The following UPRT variants were observed in gnomAD, a reference collection of about 807,000 sequenced individuals.
UPRT encodes RP11-311P8.3.
A neutral mutation model predicts 22.6 loss-of-function variants in UPRT; 5 were observed. The observed-to-expected ratio is 0.22, with a 90% CI of 0.12 to 0.47. The LOEUF is 0.47. Among genes scored for constraint, UPRT ranks in the 20% least tolerant of loss-of-function variants. The pLI is 0.99. For missense variants in UPRT, 181 were observed against 239.9 expected, an observed-to-expected ratio of 0.75 and a Z score of 1.62; for synonymous variants, 77 against 87.7, an observed-to-expected ratio of 0.88 and a Z score of 0.68.
chrX:75,178,396 G>A (rs776917510), intron 4 of UPRT, among the ~76,000 whole-genome samples: 27 of 111,843 alleles, frequency 2.4e-4, no homozygotes, highest in Non-Finnish European at 3.6e-4. Context: ...TGGTCTCACC[G>A]CTTGGCAATT....
intron 4 of UPRT, among the ~76,000 whole-genome samples, chrX:75,183,241 T>G (rs186507849): frequency 1.8e-5 from 2 of 110,611 alleles, no homozygotes; most frequent in Admixed American, 9.7e-5. Flanking sequence ...TCTCACTGTT[T>G]AATTCCCACC....
intron 1 of UPRT, among the ~76,000 whole-genome samples, chrX:75,289,137 A>C (rs774872540): frequency 1.8e-5 from 2 of 111,075 alleles, no homozygotes; most frequent in African/African-American, 3.3e-5. Context: ...TGAGCTGAGG[A>C]GTTCAAGACC....
At chrX:75,189,891 C>T (rs937442720) in intron 4 of UPRT, among the ~76,000 whole-genome samples, 11 of 111,970 alleles carry the variant, frequency 9.8e-5, no homozygotes, top group African/African-American at 3.6e-4. Context: ...TGAGATGCAT[C>T]TCCTGCATAT....
chrX:75,207,049 A>G (rs778970074), intron 4 of UPRT, among the ~76,000 whole-genome samples: 49 of 112,362 alleles, frequency 4.4e-4, no homozygotes, highest in Non-Finnish European at 8.4e-4. Flanking sequence ...GCCTTTTGGT[A>G]TCCCTTACAA....
At chrX:75,173,922 G>A (rs1300623830) in intron 4 of UPRT, among the ~76,000 whole-genome samples, 4 of 111,768 alleles carry the variant, frequency 3.6e-5, no homozygotes, top group Admixed American at 1.9e-4. Context: ...ACGCCTACCC[G>A]GAACTCCAGC....
intron 4 of UPRT, among the ~76,000 whole-genome samples, chrX:75,234,691 G>A (rs2082453552): frequency 9.0e-6 from 1 of 110,911 alleles, no homozygotes; most frequent in Non-Finnish European, 1.9e-5. Flanking sequence ...TGACTACTGG[G>A]TACATAACGA....
chrX:75,222,274 C>G (rs2082412230), intron 4 of UPRT, among the ~76,000 whole-genome samples: 1 of 111,851 alleles, frequency 8.9e-6, no homozygotes, highest in Non-Finnish European at 1.9e-5. Flanking sequence ...TAGGACTGTA[C>G]TGGATGAGAA....
At chrX:75,250,237 A>C (rs1208524381) in intron 4 of UPRT, among the ~76,000 whole-genome samples, 2 of 108,877 alleles carry the variant, frequency 1.8e-5, no homozygotes, top group East Asian at 2.8e-4. Context: ...AAATAGAGAC[A>C]AAAAAAACCC....
At chrX:75,180,681 G>GTTTTTTTTTC (rs2082266168) in intron 4 of UPRT, among the ~76,000 whole-genome samples, 1 of 43,895 alleles carries the variant, frequency 2.3e-5, no homozygotes, top group Non-Finnish European at 3.8e-5. Context: ...CCTTTTCTCT[G>GTTTTTTTTTC]TTTTTTTTTT....
chrX:75,292,381 C>T (rs778382841), intron 1 of UPRT, among the ~76,000 whole-genome samples: 3 of 111,570 alleles, frequency 2.7e-5, no homozygotes, highest in Non-Finnish European at 5.7e-5. Flanking sequence ...AAATAAACAA[C>T]ACAGACCTAT....
upstream of UPRT, among the ~76,000 whole-genome samples, chrX:75,272,342 A>ATG (rs1261687777): frequency 6.4e-4 from 57 of 89,174 alleles, no homozygotes; most frequent in African/African-American, 2.7e-3. Flanking sequence ...ATATATATAT[A>ATG]TACACATATA....
At chrX:75,288,873 A>C (rs1176133078) in intron 1 of UPRT, among the ~76,000 whole-genome samples, 1 of 111,700 alleles carries the variant, frequency 9.0e-6, no homozygotes, top group Non-Finnish European at 1.9e-5. Context: ...AAAGGCAACC[A>C]GATAGGAAAA....
intron 4 of UPRT, among the ~76,000 whole-genome samples, chrX:75,220,298 A>T (rs951721562): frequency 1.1e-4 from 12 of 110,635 alleles, no homozygotes; most frequent in African/African-American, 3.6e-4. Flanking sequence ...ATGTGTCTTT[A>T]TAGGTGAAAT....
chrX:75,251,671 T>G (rs367682401), intron 4 of UPRT, among the ~76,000 whole-genome samples: 1 of 111,403 alleles, frequency 9.0e-6, no homozygotes, highest in Non-Finnish European at 1.9e-5. Context: ...CCATCCCCAT[T>G]AAGCTACCAA....
In UPRT at chrX:75,274,375, G is replaced by C. The variant is rs766604640; in HGVS notation, c.121G>C (p.Gly41Arg). The C allele has an allele frequency of 3.3e-6, 4 of 1,209,856 alleles. No homozygotes were observed. In the South Asian group the frequency reaches 5.3e-5, roughly 16 times the overall value. The change falls in exon 1 of 7, where the codon GGA becomes CGA. Residue 41 changes from glycine to arginine, a missense_variant. Physicochemically the swap from Gly to Arg is moderately radical, Grantham distance 125 (BLOSUM62 -2). Coordinates refer to ENST00000373383, the MANE Select transcript of UPRT (RefSeq NM_145052.4). ...PGDLILDHAG[G>R]NRASRAKVIL... Reference sequence around the variant, plus strand: ...CGATCTGATCCTGGACCACGCAGGGGGAAACAGAGCCTCCAGGGCCAAGGT... The same window carrying C: ...CGATCTGATCCTGGACCACGCAGGGCGAAACAGAGCCTCCAGGGCCAAGGT...
rs1436950268 is a variant in UPRT, at chrX:75,246,340, A to T, written c.-446-44684A>T. Among the ~76,000 whole-genome samples, 3 of 99,903 alleles carry T rather than the reference A, an allele frequency of 3.0e-5. 1 individual carries two copies. Among genetic ancestry groups the T allele is most frequent in the Non-Finnish European group, 5.9e-5 (3 of 50,631 alleles). The allele number at this position is 99,903 out of a possible 115,157, so 86.8% of individuals were successfully genotyped here. On this transcript the variant is annotated intron_variant, in intron 4 of 13. Coordinates refer to the UPRT transcript ENST00000652605. ...TCATTGTTCAATTCCCACCTATGAGAGAGAACATGCAGTGTTTGGTTTTTT... is the reference window on the plus strand; with the variant it reads ...TCATTGTTCAATTCCCACCTATGAGTGAGAACATGCAGTGTTTGGTTTTTT...
chrX:75,253,062 G>A (rs1049608967), intron 4 of UPRT, among the ~76,000 whole-genome samples: 8 of 110,853 alleles, frequency 7.2e-5, no homozygotes, highest in African/African-American at 2.0e-4. Flanking sequence ...GGAGGGGGGA[G>A]GGATAGCATT....
chrX:75,262,691 A>G (rs183531764), intron 4 of UPRT, among the ~76,000 whole-genome samples: 27 of 112,084 alleles, frequency 2.4e-4, no homozygotes, highest in East Asian at 1.1e-3. Context: ...ACTAACAAAG[A>G]TCAAAAGAGA....
At chrX:75,268,231 A>C (rs775135463) in intron 4 of UPRT, among the ~76,000 whole-genome samples, 39 of 111,560 alleles carry the variant, frequency 3.5e-4, no homozygotes, top group Non-Finnish European at 5.8e-4. Flanking sequence ...CCCTGAATAT[A>C]GCAATAGCAA....
Sources: gnomAD v4.1 joint callset for allele counts (sites outside exome capture counted in the v4.1 genomes callset) on GRCh38, gnomAD v4.1.1 for gene constraint, MANE v1.5 for transcripts, NCBI Gene and HGNC (gene_info 2026-07-23, HGNC 2026-07-21) for gene names.